The following COL24A1 variants were observed in gnomAD, a reference collection of about 807,000 sequenced individuals.
COL24A1 encodes the protein collagen type XXIV alpha 1 chain, also known as collagen alpha-1(XXIV) chain.
COL24A1 carries 224 observed loss-of-function variants against 253.9 expected under a neutral mutation model. The observed-to-expected ratio is 0.88, with a 90% CI of 0.79 to 0.99. The LOEUF (loss-of-function observed/expected upper bound fraction) is 0.99. Ranked by LOEUF, COL24A1 falls within the 50% of genes least tolerant of loss-of-function variation. The pLI is 0.00. For synonymous variants in COL24A1, 685 were observed against 673.7 expected, an observed-to-expected ratio of 1.02 and a Z score of -0.26; for missense variants, 2,131 against 2,068.5, an observed-to-expected ratio of 1.03 and a Z score of -0.59.
At chr1:85,732,664 G>A (rs1197895891) in intron 59 of COL24A1, among the ~76,000 whole-genome samples, 2 of 151,132 alleles carry the variant, frequency 1.3e-5, no homozygotes, top group Non-Finnish European at 3.0e-5. Flanking sequence ...ACTTACTTGC[G>A]AATTTATTTT....
At chr1:86,133,281 A>G (rs1649599566) in intron 2 of COL24A1, among the ~76,000 whole-genome samples, 1 of 152,094 alleles carries the variant, frequency 6.6e-6, no homozygotes, top group South Asian at 2.1e-4. Flanking sequence ...TAGATATACA[A>G]TCATGTCATC....
chr1:85,838,597 T>C lies in COL24A1; in HGVS notation c.3669A>G (p.Ala1223=). ...GDQGERGEPG[A]EGYKGHVGVP... is the part of the protein sequence containing the mutation. ...AACTTGCAATTACCTTATATCCCTC[T>C]GCTCCAGGCTCTCCTCTCTCTCCTT... Residue 1223 remains alanine (A), a synonymous_variant, in exon 43 of 60, where the codon GCA becomes GCG. Transcript: ENST00000370571. 1 of 1,613,906 alleles carries C rather than the reference T, an allele frequency of 6.2e-7. No homozygotes were observed.
At chr1:85,768,987 G>A (rs1489789863) in intron 53 of COL24A1, among the ~76,000 whole-genome samples, 2 of 28,184 alleles carry the variant, frequency 7.1e-5, no homozygotes, top group Admixed American at 7.4e-4. Flanking sequence ...TCAGGGAGCT[G>A]AGCACAGAAT....
chr1:85,855,829 T>C lies in COL24A1; in HGVS notation c.3301-6423A>G, dbSNP rs566975625. Among the ~76,000 whole-genome samples the C allele has an allele frequency of 2.0e-5, 3 of 152,270 alleles. No homozygotes were observed. In the East Asian group the frequency reaches 5.8e-4, roughly 29 times the overall value. ...ATGGCTGTCAATCTGGTCCTGGGCT[T>C]TTCTGGTTGGTAGGTTTCTAAGTCA... On this transcript the variant is annotated intron_variant, in intron 37 of 59. Coordinates refer to ENST00000370571, the MANE Select transcript of COL24A1 (RefSeq NM_152890.7).
At chr1:85,903,613 G>T (rs565465851) in intron 28 of COL24A1, among the ~76,000 whole-genome samples, 8 of 152,260 alleles carry the variant, frequency 5.3e-5, no homozygotes, top group African/African-American at 1.9e-4. Context: ...GAAAATTAAA[G>T]TTGGCTGCAC....
Position 85,875,314 on chromosome 1 carries a change from T to C in COL24A1, c.3047A>G (p.Glu1016Gly). 6.2e-7 allele frequency: 1 copy of C among 1,613,608 alleles called. No individual in the cohort carries two copies. Among genetic ancestry groups the C allele is most frequent in the Non-Finnish European group, 8.5e-7 (1 of 1,179,614 alleles). The change falls in exon 34 of 60, where the codon GAG becomes GGG. Residue 1016 changes from glutamate (E) to glycine (G), a missense_variant. Physicochemically the swap from Glu to Gly is moderately conservative, Grantham distance 98 (BLOSUM62 -2). Transcript: ENST00000370571. ...EMGMEGPPGT[E>G]GESGLQGEPG... is the part of the protein sequence containing the mutation. ...TTCACCTTGCAGACCAGACTCTCCC[T>C]CAGTGCCTGGAGGTCCCTACAAGAG... is the stretch of plus-strand genomic sequence containing the variant.
At chr1:86,094,676 A>T (rs529974120) in intron 5 of COL24A1, among the ~76,000 whole-genome samples, 86 of 151,800 alleles carry the variant, frequency 5.7e-4, no homozygotes, top group African/African-American at 1.8e-3. Flanking sequence ...CCTCTTTTTC[A>T]TCATAGCCAT....
intron 55 of COL24A1, among the ~76,000 whole-genome samples, chr1:85,754,722 T>C (rs1158062970): frequency 6.6e-6 from 1 of 151,904 alleles, no homozygotes; most frequent in East Asian, 1.9e-4. Flanking sequence ...TAGATTTCCA[T>C]AGGCAGAAGT....
chr1:86,022,324 T>A, intron 17 of COL24A1, 31 bp from the exon 18 acceptor site: 1 of 1,571,300 alleles, frequency 6.4e-7, no homozygotes, highest in Non-Finnish European at 8.8e-7. Context: ...AAGAGAAAGT[T>A]ATTATACCAC....
chr1:86,092,694 A>G lies in COL24A1; in HGVS notation c.1600-374T>C, dbSNP rs192413048. On this transcript the variant is annotated intron_variant, in intron 5 of 59. Coordinates refer to ENST00000370571, the MANE Select transcript of COL24A1 (RefSeq NM_152890.7). ...AAGACTATTACTTTAGTAAAAGAAA[A>G]CTTCTTATAATAATCCTTAAAATTC... 6.6e-3 allele frequency among the ~76,000 whole-genome samples: 1,003 copies of G among 151,998 alleles called. 14 individuals carry two copies. Among genetic ancestry groups the G allele is most frequent in the African/African-American group, 0.023 (974 of 41,546 alleles).
In COL24A1 at chr1:85,745,437, T is replaced by C. The variant is rs750752771; in HGVS notation, c.4503+4A>G. 27 of 1,601,326 alleles carry C rather than the reference T, an allele frequency of 1.7e-5. No homozygotes were observed. The highest frequency in any genetic ancestry group is 2.2e-5 in the Non-Finnish European group (26 of 1,173,428). ...GCCAATATAAATAAAACCAGATATG[T>C]TACCTCCATCTGTAGGGCAGTATTT... On this transcript the variant is annotated splice_donor_region_variant and intron_variant, in intron 56 of 59. Coordinates refer to ENST00000370571, the MANE Select transcript of COL24A1 (RefSeq NM_152890.7).
At chr1:85,808,514 C>A (rs956388532) in intron 47 of COL24A1, among the ~76,000 whole-genome samples, 1 of 152,168 alleles carries the variant, frequency 6.6e-6, no homozygotes, top group Admixed American at 6.5e-5. Flanking sequence ...GCAGGAAAAG[C>A]AGTATCCCTT....
intron 28 of COL24A1, among the ~76,000 whole-genome samples, chr1:85,905,543 T>C (rs976182405): frequency 1.3e-5 from 2 of 152,088 alleles, no homozygotes; most frequent in Non-Finnish European, 2.9e-5. Context: ...CTCTCCCTCT[T>C]TTAAAGCCCT....
rs545405188 is a variant in COL24A1, at chr1:85,820,883, G to A, written c.3789+2653C>T. Among the ~76,000 whole-genome samples, 43 of 152,176 alleles carry A rather than the reference G, an allele frequency of 2.8e-4. No individual in the cohort carries two copies. The East Asian group carries it at 7.9e-3, about 28-fold the overall frequency. ...AAAGCAGTCTGATTCTTTTGATAAG[G>A]GAAATATTTTTTAATATGCAACGTT... On this transcript the variant is annotated intron_variant, in intron 45 of 59. Transcript: ENST00000370571.
chr1:86,078,903 C>T (rs930514029), intron 7 of COL24A1, among the ~76,000 whole-genome samples: 11 of 152,086 alleles, frequency 7.2e-5, no homozygotes, highest in African/African-American at 2.4e-4. Flanking sequence ...AGATTCAATA[C>T]AATCTGTATC....
At position 85,772,195 on chromosome 1, in the gene COL24A1, A is replaced by G. The variant is rs149438429; in HGVS notation, c.4374+3479T>C. On this transcript the variant is annotated intron_variant, in intron 53 of 59. Transcript: ENST00000370571. ...GTGCCACATTTTCTTAATCCAGTCT[A>G]TCATTGTTGGACATTCATCATCACT... Among the ~76,000 whole-genome samples the G allele has an allele frequency of 7.4e-3, 1,126 of 151,908 alleles. 11 individuals are homozygous for G. Among genetic ancestry groups the G allele is most frequent in the African/African-American group, 0.025 (1,044 of 41,444 alleles).
chr1:85,999,278 C>T (rs1385698360), intron 19 of COL24A1, among the ~76,000 whole-genome samples: 1 of 152,140 alleles, frequency 6.6e-6, no homozygotes, highest in Non-Finnish European at 1.5e-5. Flanking sequence ...GGCAGAAAGA[C>T]TTCCTCATCA....
At chr1:86,121,916 C>G (rs900995195) in intron 3 of COL24A1, among the ~76,000 whole-genome samples, 1 of 151,964 alleles carries the variant, frequency 6.6e-6, no homozygotes, top group Non-Finnish European at 1.5e-5. Context: ...TAAAGAACTT[C>G]AAAGATAAAG....
intron 19 of COL24A1, among the ~76,000 whole-genome samples, chr1:86,013,148 A>G (rs1696678655): frequency 6.6e-6 from 1 of 152,220 alleles, no homozygotes; most frequent in Admixed American, 6.5e-5. Flanking sequence ...TAACTCCTCA[A>G]TTCTCACTCA....
Sources: allele counts gnomAD v4.1 joint callset (sites outside exome capture counted in the v4.1 genomes callset), GRCh38; gene constraint gnomAD v4.1.1; transcripts MANE v1.5; gene names NCBI Gene and HGNC (gene_info 2026-07-23, HGNC 2026-07-21).